Variants in ZBTB20 observed in about 807,000 individuals in gnomAD.
The protein encoded by ZBTB20 is zinc finger and BTB domain-containing protein 20.
ZBTB20 carries 9 observed loss-of-function variants against 56.9 expected under a neutral mutation model. That is an observed-to-expected ratio of 0.16 (90% CI 0.10 to 0.28). The LOEUF is 0.28. Among genes scored for constraint, ZBTB20 ranks in the 10% least tolerant of loss-of-function variants. The pLI is 1.00. For missense variants in ZBTB20, 655 were observed against 1,003.0 expected (o/e 0.65, Z 4.69); for synonymous variants, 417 against 420.7 (o/e 0.99, Z 0.11).
chr3:114,951,167 T>C (rs1382721944), intron 3 of ZBTB20, among the ~76,000 whole-genome samples: 2 of 152,136 alleles, frequency 1.3e-5, no homozygotes, highest in Non-Finnish European at 2.9e-5. Context: ...TTTGTAACTG[T>C]TTTCCTGCAC....
intron 5 of ZBTB20, among the ~76,000 whole-genome samples, chr3:114,787,244 C>T (rs2070566920): frequency 1.3e-5 from 2 of 150,724 alleles, no homozygotes; most frequent in Non-Finnish European, 3.0e-5. Context: ...TCCCAAACTG[C>T]TGGAACTCCA....
At chr3:114,826,270 A>C (rs1187803185) in intron 4 of ZBTB20, among the ~76,000 whole-genome samples, 1 of 151,750 alleles carries the variant, frequency 6.6e-6, no homozygotes, top group Admixed American at 6.6e-5. Context: ...ATTTTTATAC[A>C]TTCATTTTCA....
In ZBTB20 at chr3:114,562,198, C is replaced by T. The variant is rs1199095967; in HGVS notation, c.-294-61807G>A. On this transcript the variant is annotated intron_variant, in intron 6 of 11. Transcript: ENST00000675478. ...TTTGATTTTTTTTTTTTTTTTGAGA[C>T]GGTGTCACTAGGCTGGAGTGCAGTG... Among the ~76,000 whole-genome samples the T allele has an allele frequency of 6.8e-5, 10 of 148,122 alleles. No homozygotes were observed. The South Asian group carries it at 1.5e-3, about 22-fold the overall frequency.
At chr3:114,883,322 C>G (rs1225852081) in intron 4 of ZBTB20, among the ~76,000 whole-genome samples, 1 of 152,134 alleles carries the variant, frequency 6.6e-6, no homozygotes, top group Non-Finnish European at 1.5e-5. Flanking sequence ...AAGACCATCC[C>G]CATGCACAAG....
intron 6 of ZBTB20, among the ~76,000 whole-genome samples, chr3:114,511,071 A>G (rs1335356176): frequency 1.3e-5 from 2 of 151,438 alleles, no homozygotes; most frequent in African/African-American, 4.9e-5. Context: ...TGAAACTGAA[A>G]AAAGCTTTTA....
At chr3:114,347,379 A>T (rs2080283542) in intron 11 of ZBTB20, among the ~76,000 whole-genome samples, 2 of 150,130 alleles carry the variant, frequency 1.3e-5, no homozygotes, top group Non-Finnish European at 1.5e-5. Context: ...TTTTTTTAGG[A>T]CTCTTTTTGG....
intron 7 of ZBTB20, among the ~76,000 whole-genome samples, chr3:114,429,305 T>A (rs1576718444): frequency 6.6e-6 from 1 of 152,220 alleles, no homozygotes; most frequent in African/African-American, 2.4e-5. Context: ...ATTGGATTAA[T>A]ACAAATCATA....
intron 2 of ZBTB20, among the ~76,000 whole-genome samples, chr3:115,014,176 G>C (rs920380608): frequency 6.6e-6 from 1 of 151,522 alleles, no homozygotes; most frequent in Admixed American, 6.6e-5. Context: ...AGACAAACTT[G>C]ATATGTTTGA....
intron 7 of ZBTB20, among the ~76,000 whole-genome samples, chr3:114,427,521 T>C (rs530232928): frequency 6.6e-6 from 1 of 152,344 alleles, no homozygotes; most frequent in African/African-American, 2.4e-5. Context: ...TAGAGCTTAA[T>C]GGATTAATTA....
At chr3:114,671,581 A>C (rs1166789701) in intron 6 of ZBTB20, among the ~76,000 whole-genome samples, 2 of 151,778 alleles carry the variant, frequency 1.3e-5, no homozygotes, top group Admixed American at 6.6e-5. Flanking sequence ...CTTCCCTGCC[A>C]ATAAATAAAT....
intron 7 of ZBTB20, among the ~76,000 whole-genome samples, chr3:114,488,785 T>C (rs1334742277): frequency 1.3e-5 from 2 of 152,198 alleles, no homozygotes; most frequent in African/African-American, 4.8e-5. Context: ...TATTGTGGCA[T>C]TGTTTAGTAA....
At chr3:114,410,441 G>T (rs1393659454) in intron 7 of ZBTB20, among the ~76,000 whole-genome samples, 4 of 152,132 alleles carry the variant, frequency 2.6e-5, no homozygotes, top group African/African-American at 9.6e-5. Context: ...GAAAAACTAA[G>T]AAATTAAATA....
intron 6 of ZBTB20, among the ~76,000 whole-genome samples, chr3:114,528,951 G>A (rs1349043210): frequency 6.6e-6 from 1 of 152,068 alleles, no homozygotes; most frequent in Non-Finnish European, 1.5e-5. Flanking sequence ...GCTAGAGCTT[G>A]TTCTTCCTTC....
At chr3:114,399,055 C>T (rs760763310) in intron 7 of ZBTB20, among the ~76,000 whole-genome samples, 13 of 152,026 alleles carry the variant, frequency 8.6e-5, no homozygotes, top group Non-Finnish European at 1.6e-4. Context: ...GTTAAGGGGC[C>T]CTGAGTTTTT....
chr3:114,525,752 A>C (rs1021275666), intron 6 of ZBTB20, among the ~76,000 whole-genome samples: 2 of 151,812 alleles, frequency 1.3e-5, no homozygotes, highest in African/African-American at 4.8e-5. Flanking sequence ...ACGGGTATTC[A>C]AAAAATACTA....
rs777766086 is a variant in ZBTB20, at chr3:114,339,157, G to T, written c.2074C>A (p.Pro692Thr). 1.1e-5 allele frequency: 17 copies of T among 1,614,056 alleles called. No individual in the cohort carries two copies. Among genetic ancestry groups the T allele is most frequent in the East Asian group, 8.9e-5 (4 of 44,882 alleles). Reference sequence around the variant, plus strand: ...CGGGCACCTGGGGGTGTGCCTGCAGGGGGGGTCCCATTGCTGGCACTGTGC... The same window carrying T: ...CGGGCACCTGGGGGTGTGCCTGCAGTGGGGGTCCCATTGCTGGCACTGTGC... ...ALHSASNGTP[P>T]AGTPPGARAG... Residue 692 changes from proline to threonine, a missense_variant, in exon 12 of 12, where the codon CCT becomes ACT. This residue lies in a region of ZBTB20 where 89 missense variants were observed against 79.7 expected (regional missense o/e 1.12). Transcript: ENST00000675478. The surrounding 1 kb of genome is among the most constrained non-coding windows in gnomAD (Gnocchi z 4.2).
intron 6 of ZBTB20, among the ~76,000 whole-genome samples, chr3:114,595,770 T>C (rs577520006): frequency 6.6e-6 from 1 of 152,196 alleles, no homozygotes; most frequent in Non-Finnish European, 1.5e-5. Context: ...TTCCTTCCTT[T>C]AGAGTTCATA....
At chr3:114,890,702 A>G (rs1408482432) in intron 4 of ZBTB20, among the ~76,000 whole-genome samples, 1 of 152,184 alleles carries the variant, frequency 6.6e-6, no homozygotes, top group Non-Finnish European at 1.5e-5. Flanking sequence ...ATACATATGT[A>G]ACAAACCTGC....
chr3:114,669,490 A>C (rs758334167), intron 6 of ZBTB20, among the ~76,000 whole-genome samples: 1 of 152,038 alleles, frequency 6.6e-6, no homozygotes, highest in Non-Finnish European at 1.5e-5. Flanking sequence ...TAAACCAATA[A>C]TTTTAGATTA....
Sources: allele counts gnomAD v4.1 joint callset (sites outside exome capture counted in the v4.1 genomes callset), GRCh38; gene constraint gnomAD v4.1.1; regional missense constraint gnomAD v4.1.1; non-coding constraint Gnocchi (gnomAD v3.1); transcripts MANE v1.5; gene names NCBI Gene and HGNC (gene_info 2026-07-23, HGNC 2026-07-21).